BCO1: variants seen among roughly 807,000 people sequenced by gnomAD.
BCO1 encodes beta-carotene oxygenase 1.
Under a neutral mutation model 56.3 loss-of-function variants are expected in BCO1, and 54 were observed. That is an observed-to-expected ratio of 0.96 (90% CI 0.77 to 1.20). BCO1 has a LOEUF of 1.20. BCO1 is among the 50% of genes most tolerant of loss of function. The probability of loss-of-function intolerance (pLI) is 0.00; values close to 1 mark genes in which losing one functional copy is unlikely to be tolerated. For synonymous variants in BCO1, 318 were observed against 266.1 expected (o/e 1.20, Z -1.90); for missense variants, 801 against 690.9 (o/e 1.16, Z -1.79).
chr16:81,242,327 A>G (rs1905165625), intron 1 of BCO1, among the ~76,000 whole-genome samples: 1 of 148,160 alleles, frequency 6.7e-6, no homozygotes, highest in Non-Finnish European at 1.5e-5. Flanking sequence ...CAGCCTCCCC[A>G]GTAGCTGGGA....
At chr16:81,277,610 G>A (rs571237731) in intron 7 of BCO1, among the ~76,000 whole-genome samples, 24 of 152,328 alleles carry the variant, frequency 1.6e-4, no homozygotes, top group African/African-American at 5.1e-4. Flanking sequence ...AGAAAAAGAG[G>A]TCTGCTCGAA....
At chr16:81,255,502 T>C (rs1026209901) in intron 2 of BCO1, among the ~76,000 whole-genome samples, 11 of 150,422 alleles carry the variant, frequency 7.3e-5, no homozygotes, top group Non-Finnish European at 1.0e-4. Flanking sequence ...TATTTTTTTT[T>C]ATTTTTTATT....
chr16:81,264,235 C>T (rs762379148), intron 4 of BCO1: 2 of 287,592 alleles, frequency 7.0e-6, no homozygotes, highest in Non-Finnish European at 1.3e-5. Context: ...CCAAGATTAG[C>T]TCGAAGGCTA....
chr16:81,272,438 T>A (rs1366392167), intron 7 of BCO1, among the ~76,000 whole-genome samples: 2 of 152,220 alleles, frequency 1.3e-5, no homozygotes, highest in African/African-American at 2.4e-5. Context: ...TTCTACCTAT[T>A]TATGTATCGA....
chr16:81,261,926 T>G (rs1906509125), intron 3 of BCO1: 10 of 511,584 alleles, frequency 2.0e-5, no homozygotes, highest in Non-Finnish European at 3.6e-5. Flanking sequence ...TATTTTTTAG[T>G]ACAGACGGGG....
chr16:81,270,692 CTGTGTG>C (rs58969930), intron 7 of BCO1, among the ~76,000 whole-genome samples: 4 of 143,694 alleles, frequency 2.8e-5, no homozygotes, highest in Admixed American at 7.0e-5. Flanking sequence ...CTCTCTGTGT[CTGTGTG>C]TGTGTGTGTG....
chr16:81,251,990 A>G (rs1905836351), intron 2 of BCO1, among the ~76,000 whole-genome samples: 1 of 151,946 alleles, frequency 6.6e-6, no homozygotes, highest in Non-Finnish European at 1.5e-5. Context: ...ATGTCCCTTC[A>G]GAAGGAATGT....
chr16:81,259,443 G>A (rs1240401209), intron 2 of BCO1, among the ~76,000 whole-genome samples: 7 of 152,028 alleles, frequency 4.6e-5, no homozygotes, highest in Admixed American at 6.6e-5. Flanking sequence ...GCAGTGAGCC[G>A]AGATCGCACC....
At chr16:81,269,617 G>GC (rs1335600203) in intron 6 of BCO1, among the ~76,000 whole-genome samples, 1 of 152,144 alleles carries the variant, frequency 6.6e-6, no homozygotes, top group East Asian at 1.9e-4. Flanking sequence ...ACAGGCAAGT[G>GC]CCACCATGCC....
intron 2 of BCO1, among the ~76,000 whole-genome samples, chr16:81,254,337 G>A (rs1905996060): frequency 8.5e-6 from 1 of 117,736 alleles, no homozygotes; most frequent in African/African-American, 3.4e-5. Context: ...TTTTAGTAGA[G>A]ACAGGGTTTC....
chr16:81,282,594 T>C (rs1194670273), intron 8 of BCO1, among the ~76,000 whole-genome samples: 1 of 151,932 alleles, frequency 6.6e-6, no homozygotes, highest in Non-Finnish European at 1.5e-5. Context: ...CCCTGGAGTC[T>C]TTAGAAATGA....
intron 7 of BCO1, among the ~76,000 whole-genome samples, chr16:81,272,207 A>G (rs1402524890): frequency 1.4e-5 from 2 of 143,532 alleles, no homozygotes; most frequent in Admixed American, 7.4e-5. Flanking sequence ...TCCGCCTCCC[A>G]GGTTCAAGCC....
chr16:81,240,888 G>A (rs1432543139), intron 1 of BCO1, among the ~76,000 whole-genome samples: 1 of 145,062 alleles, frequency 6.9e-6, no homozygotes, highest in African/African-American at 2.6e-5. Flanking sequence ...AGGCTGGAGT[G>A]TAATGGCGCG....
intron 7 of BCO1, among the ~76,000 whole-genome samples, chr16:81,273,833 G>GA (rs1409328910): frequency 1.3e-5 from 2 of 152,076 alleles, no homozygotes; most frequent in Non-Finnish European, 2.9e-5. Flanking sequence ...ATCTCTCTGT[G>GA]AAAAAGCCAA....
rs1597363771 is a variant in BCO1 at position 81,268,046 on chromosome 16, T to A, written c.758T>A (p.Phe253Tyr). ...TATGTCATCTTCCTTGAGCAGCCTT[T>A]CAGGTTGGATATTCTCAAGATGGCA... Reference protein sequence around the residue: ...ENYVIFLEQPFRLDILKMATA... With the variant: ...ENYVIFLEQPYRLDILKMATA... The change falls in exon 6 of 11, where the codon TTC becomes TAC. Residue 253 changes from phenylalanine to tyrosine, a missense_variant. Physicochemically the swap from Phe to Tyr is conservative, Grantham distance 22 (BLOSUM62 3). Coordinates refer to ENST00000258168, the MANE Select transcript of BCO1 (RefSeq NM_017429.3). The A allele has an allele frequency of 2.5e-6, 4 of 1,613,326 alleles. No homozygotes were observed. In the South Asian group the frequency reaches 4.4e-5, roughly 18 times the overall value.
intron 3 of BCO1, 55 bp downstream of exon 3, chr16:81,259,860 G>T: frequency 6.2e-7 from 1 of 1,607,388 alleles, no homozygotes; most frequent in Non-Finnish European, 8.5e-7. Flanking sequence ...ATCCTTGATG[G>T]CTGAAATAAC....
chr16:81,250,947 C>T (rs1005599345), intron 2 of BCO1, among the ~76,000 whole-genome samples: 4 of 152,250 alleles, frequency 2.6e-5, no homozygotes, highest in Middle Eastern at 6.8e-3. Flanking sequence ...TCAAAGATAG[C>T]GTTTGTGTTT....
intron 9 of BCO1, 122 bp from the exon 10 acceptor site, chr16:81,287,173 G>A (rs772795154): frequency 6.3e-6 from 5 of 793,444 alleles, no homozygotes; most frequent in East Asian, 2.6e-5. Context: ...GGGAGACTAC[G>A]TCAAAAGTCT....
intron 8 of BCO1, among the ~76,000 whole-genome samples, chr16:81,284,046 A>G (rs1908027252): frequency 6.6e-6 from 1 of 150,746 alleles, no homozygotes; most frequent in South Asian, 2.1e-4. Context: ...AAAAAAAAGT[A>G]GCCGGATGTG....
Sources: gnomAD v4.1 joint callset for allele counts (sites outside exome capture counted in the v4.1 genomes callset) on GRCh38, gnomAD v4.1.1 for gene constraint, MANE v1.5 for transcripts, NCBI Gene and HGNC (gene_info 2026-07-23, HGNC 2026-07-21) for gene names.